The following RAB11FIP5 variants were observed in gnomAD, a reference collection of about 807,000 sequenced individuals.
The protein encoded by RAB11FIP5 is RAB11 family interacting protein 5, also known as rab11 family-interacting protein 5.
In RAB11FIP5, 48 loss-of-function variants were observed where a neutral mutation model predicts 85.1. That is an observed-to-expected ratio of 0.56 (90% confidence interval 0.45 to 0.72). The LOEUF is 0.72. Ranked by LOEUF, RAB11FIP5 falls within the 30% of genes least tolerant of loss-of-function variation. The pLI is 0.00. For synonymous variants in RAB11FIP5, 729 were observed against 727.3 expected, an observed-to-expected ratio of 1.00 and a Z score of -0.04; for missense variants, 1,491 against 1,687.0, an observed-to-expected ratio of 0.88 and a Z score of 2.04.
chr2:73,074,693 C>T lies in RAB11FIP5; in HGVS notation c.*828G>A, dbSNP rs373529330. The T allele has an allele frequency of 4.1e-4, 66 of 160,374 alleles. No individual in the cohort carries two copies. The highest frequency in any genetic ancestry group is 1.2e-3 in the African/African-American group (51 of 41,646). The allele number at this position is 160,374 out of a possible 1,614,324, so 9.9% of individuals were successfully genotyped here. Reference sequence around the variant, plus strand: ...CATCTGGACAGGCAACAAGAATAGACATGGAGGCTTGATCCCCAAATCATA... The same window carrying T: ...CATCTGGACAGGCAACAAGAATAGATATGGAGGCTTGATCCCCAAATCATA... On this transcript the variant is annotated 3_prime_UTR_variant, in exon 6 of 6. Coordinates refer to ENST00000486777, the MANE Select transcript of RAB11FIP5 (RefSeq NM_001371272.1).
intron 3 of RAB11FIP5, among the ~76,000 whole-genome samples, chr2:73,083,143 T>C (rs989860144): frequency 6.6e-6 from 1 of 152,222 alleles, no homozygotes; most frequent in Non-Finnish European, 1.5e-5. Flanking sequence ...AGCCGGGCTT[T>C]GGCCAGCCAG....
chr2:73,084,493 CT>C (rs1474998491), intron 3 of RAB11FIP5: 1 of 152,188 alleles, frequency 6.6e-6, no homozygotes, highest in Non-Finnish European at 1.5e-5. Context: ...TTTGTCTTCT[CT>C]TTTAGGATCA....
chr2:73,105,495 G>A (rs563319148), intron 1 of RAB11FIP5, among the ~76,000 whole-genome samples: 7 of 151,904 alleles, frequency 4.6e-5, no homozygotes, highest in Admixed American at 2.6e-4. Context: ...CTCCTGACGC[G>A]GCCTCCCAAA....
intron 1 of RAB11FIP5, among the ~76,000 whole-genome samples, chr2:73,090,550 T>C (rs938386655): frequency 6.6e-5 from 10 of 152,074 alleles, no homozygotes; most frequent in Non-Finnish European, 1.3e-4. Context: ...ATCCAGACAA[T>C]GGAATACTAC....
chr2:73,087,997 A>C, intron 3 of RAB11FIP5, 53 bp downstream of exon 3: 2 of 1,503,514 alleles, frequency 1.3e-6, no homozygotes, highest in Non-Finnish European at 1.8e-6. Flanking sequence ...TCCAGGCAGC[A>C]CACACCCCAG....
In RAB11FIP5 at chr2:73,075,097, G is replaced by A. The variant is rs1683825825; in HGVS notation, c.*424C>T. Reference sequence around the variant, plus strand: ...TAGAAGCCCCTCCAGGGACTGGAGGGAAATGAAGGGGATGGGGCTTTGGCT... The same window carrying A: ...TAGAAGCCCCTCCAGGGACTGGAGGAAAATGAAGGGGATGGGGCTTTGGCT... On this transcript the variant is annotated 3_prime_UTR_variant, in exon 6 of 6. Coordinates refer to ENST00000486777, the MANE Select transcript of RAB11FIP5 (RefSeq NM_001371272.1). This position sits in a 1 kb window ranked among gnomAD's most constrained non-coding sequence, Gnocchi z 4.6. 2.6e-6 allele frequency: 1 copy of A among 384,682 alleles called. No individual in the cohort carries two copies. Among genetic ancestry groups the A allele is most frequent in the Admixed American group, 3.4e-5 (1 of 29,582 alleles). 23.8% of individuals were successfully genotyped at this position (384,682 alleles called of 1,614,324 possible).
Position 73,100,040 on chromosome 2 carries a change from A to C in RAB11FIP5, c.432-10725T>G, listed in dbSNP as rs1188704041. On this transcript the variant is annotated intron_variant, in intron 1 of 5. Coordinates refer to ENST00000486777, the MANE Select transcript of RAB11FIP5 (RefSeq NM_001371272.1). ...ATACTGGGTGGGAGAGTCTTCTAAA[A>C]GCGAAAGCAGGGCACCAATGTGAAG... Among the ~76,000 whole-genome samples the C allele has an allele frequency of 2.6e-5, 4 of 152,212 alleles. No homozygotes were observed. In the East Asian group the frequency reaches 7.7e-4, roughly 29 times the overall value.
Position 73,081,092 on chromosome 2 carries a change from C to G in RAB11FIP5, c.2140G>C (p.Gly714Arg). 1 of 1,215,898 alleles carries G rather than the reference C, an allele frequency of 8.2e-7. No homozygotes were observed. The highest frequency in any genetic ancestry group is 1.0e-6 in the Non-Finnish European group (1 of 987,246). 75.3% of individuals were successfully genotyped at this position (1,215,898 alleles called of 1,614,324 possible). The change falls in exon 4 of 6, where the codon GGT (glycine) becomes CGT (arginine). Residue 714 changes from glycine to arginine, a missense_variant. Physicochemically the swap from Gly to Arg is moderately radical, Grantham distance 125. Coordinates refer to ENST00000486777, the MANE Select transcript of RAB11FIP5 (RefSeq NM_001371272.1). The surrounding 1 kb of genome is among the most constrained non-coding windows in gnomAD (Gnocchi z 4.2). ...GGGGGGGGGR[G>R]GSSVWLEPRV... ...GGCTCCAGCCACACGCTGCTCCCAC[C>G]TCTTCCTCCTCCTCCTCCTCCTCCT... is the stretch of plus-strand genomic sequence containing the variant.
At chr2:73,098,667 G>A (rs1013910368) in intron 1 of RAB11FIP5, among the ~76,000 whole-genome samples, 10 of 151,916 alleles carry the variant, frequency 6.6e-5, no homozygotes, top group Admixed American at 3.9e-4. Flanking sequence ...ACTCACCCCC[G>A]CATCCAGGAA....
Position 73,088,994 on chromosome 2 carries a change from C to T in RAB11FIP5, c.753G>A (p.Ser251=), listed in dbSNP as rs372693093. 4.4e-4 allele frequency: 708 copies of T among 1,614,200 alleles called. 8 individuals carry two copies. In the South Asian group the frequency reaches 7.5e-3, roughly 17 times the overall value. Residue 251 remains serine (S), a synonymous_variant, in exon 2 of 6, where the codon TCG becomes TCA. Coordinates refer to ENST00000486777, the MANE Select transcript of RAB11FIP5 (RefSeq NM_001371272.1). ...AGGACAGGGTGCTGTCCGAGCCCAG[C>T]GAGGTGTTGGACTGGGTCAGGGACG... ...RKSSLTQSNT[S]LGSDSTLSSA...
Position 73,112,352 on chromosome 2 carries a change from G to T in RAB11FIP5, c.426C>A (p.His142Gln). ...CCCCCGCGCCCCCTACTCACTGCGT[G>T]TGCTGGGCGCGGCCTGCGCCGAAGA... ...DEVFGAGRAQ[H>Q]TQWYKLHSKP... is the part of the protein sequence containing the mutation. The change falls in exon 1 of 6, where the codon CAC becomes CAA. Residue 142 changes from histidine (H) to glutamine (Q), a missense_variant. Around this residue, in one of 3 missense-constraint regions of RAB11FIP5, gnomAD observed 1,211 missense variants for 1,338.0 expected, o/e 0.91. Coordinates refer to ENST00000486777, the MANE Select transcript of RAB11FIP5 (RefSeq NM_001371272.1). 1 of 1,584,044 alleles carries T rather than the reference G, an allele frequency of 6.3e-7. No individual in the cohort carries two copies. The highest frequency in any genetic ancestry group is 8.5e-7 in the Non-Finnish European group (1 of 1,171,626).
At chr2:73,077,039 C>T (rs902920093) in intron 4 of RAB11FIP5, among the ~76,000 whole-genome samples, 1 of 152,184 alleles carries the variant, frequency 6.6e-6, no homozygotes, top group Admixed American at 6.5e-5. Context: ...AGCCCCTTCT[C>T]AGTCTTAACA....
intron 1 of RAB11FIP5, 23 bp downstream of exon 1, chr2:73,112,324 G>A: frequency 3.2e-6 from 5 of 1,550,470 alleles, no homozygotes; most frequent in Non-Finnish European, 4.3e-6. Context: ...AGCCGTTTCT[G>A]TGCCCCCGCG....
In RAB11FIP5 at chr2:73,112,683, C is replaced by G. The variant is rs1293582869; in HGVS notation, c.95G>C (p.Arg32Pro). 1 of 1,586,812 alleles carries G rather than the reference C, an allele frequency of 6.3e-7. No homozygotes were observed. Among genetic ancestry groups the G allele is most frequent in the Non-Finnish European group, 8.6e-7 (1 of 1,168,574 alleles). The change falls in exon 1 of 6, where the codon CGG (arginine) becomes CCG (proline). Residue 32 changes from arginine to proline, a missense_variant. By Grantham distance (103) the Arg-to-Pro change is moderately radical. Around this residue, in one of 3 missense-constraint regions of RAB11FIP5, gnomAD observed 1,211 missense variants for 1,338.0 expected, o/e 0.91. Transcript: ENST00000486777. Reference sequence around the variant, plus strand: ...GCTGCCCGCTCCCGAGCTCTTGCCCCGCAGCCCGCGGGCCCGCAGCACCGT... The same window carrying G: ...GCTGCCCGCTCCCGAGCTCTTGCCCGGCAGCCCGCGGGCCCGCAGCACCGT... The part of the protein sequence containing the change: ...QVTVLRARGL[R>P]GKSSGAGSTS...
Position 73,079,366 on chromosome 2 carries a change from C to T in RAB11FIP5, c.3581+285G>A, listed in dbSNP as rs533101773. On this transcript the variant is annotated intron_variant, in intron 4 of 5. Transcript: ENST00000486777. ...CCCTGCCAGCCCACATCGGCTCTCC[C>T]CACTTCATTCCTTATACCCTGCACC... Among the ~76,000 whole-genome samples, 82 of 152,310 alleles carry T rather than the reference C, an allele frequency of 5.4e-4. 1 individual carries two copies. Among genetic ancestry groups the T allele is most frequent in the Middle Eastern group, 3.4e-3 (1 of 294 alleles).
chr2:73,087,211 G>A (rs763058678), intron 3 of RAB11FIP5, among the ~76,000 whole-genome samples: 1 of 152,220 alleles, frequency 6.6e-6, no homozygotes, highest in Non-Finnish European at 1.5e-5. Context: ...CCTTGGGAAG[G>A]TGCGACACAC....
Position 73,080,800 on chromosome 2 carries a change from T to C in RAB11FIP5, c.2432A>G (p.Gln811Arg). 1 of 1,232,498 alleles carries C rather than the reference T, an allele frequency of 8.1e-7. No homozygotes were observed. The highest frequency in any genetic ancestry group is 3.2e-5 in the East Asian group (1 of 31,720). The allele number at this position is 1,232,498 out of a possible 1,614,324, so 76.3% of individuals were successfully genotyped here. A position where few individuals can be genotyped will look rare whatever the true frequency, so the allele number is the denominator to read the frequency against. ...TTCGCCTCGGGAGGACTCATCGTCC[T>C]GGCCCTCAGCAGCGCTCTCTGGGCC... ...LPGPESAAEG[Q>R]DDESSRGENQ... is the part of the protein sequence containing the mutation. The change falls in exon 4 of 6, where the codon CAG becomes CGG. Residue 811 changes from glutamine (Q) to arginine (R), a missense_variant. Physicochemically the swap from Gln to Arg is conservative, Grantham distance 43 (BLOSUM62 1). Transcript: ENST00000486777.
In RAB11FIP5 at chr2:73,075,842, G is replaced by A; in HGVS notation, c.3772-118C>T. On this transcript the variant is annotated intron_variant, in intron 5 of 5. Transcript: ENST00000486777. The surrounding 1 kb of genome is among the most constrained non-coding windows in gnomAD (Gnocchi z 4.6). ...TAAGTTTCACCACCACAGGGCCCCA[G>A]GCTGCCTGTCTCCAAAGTCAGAGCC... The A allele has an allele frequency of 6.9e-7, 1 of 1,454,750 alleles. No individual in the cohort carries two copies. Among genetic ancestry groups the A allele is most frequent in the South Asian group, 1.3e-5 (1 of 76,568 alleles). The allele number at this position is 1,454,750 out of a possible 1,614,324, so 90.1% of individuals were successfully genotyped here.
At chr2:73,097,939 A>G (rs147039612) in intron 1 of RAB11FIP5, among the ~76,000 whole-genome samples, 2 of 147,460 alleles carry the variant, frequency 1.4e-5, no homozygotes, top group East Asian at 4.2e-4. Context: ...CCCCATTACC[A>G]ACTACAATCA....
Sources: allele counts gnomAD v4.1 joint callset (sites outside exome capture counted in the v4.1 genomes callset), GRCh38; gene constraint gnomAD v4.1.1; regional missense constraint gnomAD v4.1.1; non-coding constraint Gnocchi (gnomAD v3.1); transcripts MANE v1.5; gene names NCBI Gene and HGNC (gene_info 2026-07-23, HGNC 2026-07-21).